Variants in DTNA observed in about 807,000 individuals in gnomAD.
The protein encoded by DTNA is dystrobrevin alpha, also known as dystrophin-related protein 3.
A neutral mutation model predicts 100.7 loss-of-function variants in DTNA; 43 were observed. That is an observed-to-expected ratio of 0.43 (90% CI 0.33 to 0.55). The LOEUF is 0.55. Ranked by LOEUF, DTNA falls within the 20% of genes least tolerant of loss-of-function variation. The pLI, the probability that DTNA is intolerant of heterozygous loss-of-function variation, is 0.04. For synonymous variants in DTNA, 349 were observed against 347.9 expected (o/e 1.00, Z -0.04); for missense variants, 798 against 953.9 (o/e 0.84, Z 2.15).
At chr18:34,613,434 G>A (rs972884288) in intron 1 of DTNA, among the ~76,000 whole-genome samples, 2 of 152,196 alleles carry the variant, frequency 1.3e-5, no homozygotes, top group Non-Finnish European at 2.9e-5. Context: ...AACACATGTT[G>A]AAAGCCAAGA....
chr18:34,671,350 G>A (rs2076732313), intron 1 of DTNA, among the ~76,000 whole-genome samples: 1 of 152,184 alleles, frequency 6.6e-6, no homozygotes, highest in Non-Finnish European at 1.5e-5. Context: ...TGGCTGGGAA[G>A]GGGAATTCAC....
chr18:34,626,425 A>C (rs902690021), intron 1 of DTNA, among the ~76,000 whole-genome samples: 7 of 152,070 alleles, frequency 4.6e-5, no homozygotes, highest in Admixed American at 4.6e-4. Context: ...ATATTTTAAG[A>C]ACCTTCAGAA....
At chr18:34,707,631 C>T (rs1175730744), upstream of DTNA, among the ~76,000 whole-genome samples, 1 of 152,092 alleles carries the variant, frequency 6.6e-6, no homozygotes, top group Non-Finnish European at 1.5e-5. Context: ...GTAATGGCCA[C>T]ATAACCAATC....
chr18:34,812,143 C>A, intron 6 of DTNA, 30 bp downstream of exon 6: 1 of 1,613,552 alleles, frequency 6.2e-7, no homozygotes, highest in Non-Finnish European at 8.5e-7. Flanking sequence ...AAGGAAGTAT[C>A]TCTTTCAAAC....
chr18:34,848,379 C>T lies in DTNA; in HGVS notation c.1430C>T (p.Ser477Leu), dbSNP rs780636680. 1.6e-5 allele frequency: 26 copies of T among 1,613,746 alleles called. No individual in the cohort carries two copies. The highest frequency in any genetic ancestry group is 2.0e-5 in the Non-Finnish European group (24 of 1,179,896). The part of the protein sequence containing the change: ...YAARLAAESS[S>L]SQPPQQRSAP... ...GCAAGGCTGGCAGCAGAGTCCTCTT[C>T]GTCTGTAAGTAGTTGGAGTAAAAGG... Residue 477 changes from serine (S) to leucine (L), a missense_variant, in exon 14 of 23, where the codon TCG becomes TTG. By Grantham distance (145) the Ser-to-Leu change is moderately radical. Coordinates refer to ENST00000444659, the MANE Select transcript of DTNA (RefSeq NM_001386795.1).
At chr18:34,701,230 A>G (rs1329049308) in intron 1 of DTNA, among the ~76,000 whole-genome samples, 2 of 152,096 alleles carry the variant, frequency 1.3e-5, no homozygotes, top group Non-Finnish European at 2.9e-5. Context: ...CACTTCCTTG[A>G]CCTCTATCCT....
intron 1 of DTNA, among the ~76,000 whole-genome samples, chr18:34,728,576 A>G (rs141590232): frequency 6.6e-6 from 1 of 152,202 alleles, no homozygotes; most frequent in African/African-American, 2.4e-5. Context: ...TCAAAAAAAA[A>G]TAAAAAGGAG....
At position 34,605,851 on chromosome 18, in the gene DTNA, G is replaced by A. The variant is rs555688934; in HGVS notation, c.-2+112337G>A. Among the ~76,000 whole-genome samples the A allele has an allele frequency of 3.3e-5, 5 of 152,116 alleles. No individual in the cohort carries two copies. In the South Asian group the frequency reaches 1.0e-3, roughly 32 times the overall value. ...ACAAATAATTAAATTACTTATATCTGGACAGGATTTAGCATTGCCTTCACA... is the reference window on the plus strand; with the variant it reads ...ACAAATAATTAAATTACTTATATCTAGACAGGATTTAGCATTGCCTTCACA... On this transcript the variant is annotated intron_variant, in intron 1 of 19. Coordinates refer to the DTNA transcript ENST00000283365.
At chr18:34,645,129 AGTT>A (rs1178079532) in intron 1 of DTNA, among the ~76,000 whole-genome samples, 3 of 152,202 alleles carry the variant, frequency 2.0e-5, no homozygotes, top group East Asian at 3.9e-4. Context: ...AACATAATGT[AGTT>A]GTTGTCATCT....
intron 4 of DTNA, among the ~76,000 whole-genome samples, chr18:34,798,751 T>A (rs1268830551): frequency 3.3e-5 from 5 of 152,200 alleles, no homozygotes; most frequent in African/African-American, 1.2e-4. Context: ...ATAATCATAA[T>A]AATTGTATTA....
At chr18:34,502,890 G>A (rs1308678446) in intron 1 of DTNA, among the ~76,000 whole-genome samples, 1 of 152,170 alleles carries the variant, frequency 6.6e-6, no homozygotes, top group Non-Finnish European at 1.5e-5. Flanking sequence ...TGATGTTGCT[G>A]TCAAGTTCTT....
At chr18:34,828,560 T>G (rs972536527) in intron 10 of DTNA, among the ~76,000 whole-genome samples, 1 of 152,192 alleles carries the variant, frequency 6.6e-6, no homozygotes, top group Non-Finnish European at 1.5e-5. Flanking sequence ...CCTGGTACAT[T>G]CAACTGAGGA....
At chr18:34,558,916 T>C (rs1159026535) in intron 1 of DTNA, among the ~76,000 whole-genome samples, 2 of 152,282 alleles carry the variant, frequency 1.3e-5, no homozygotes, top group South Asian at 2.1e-4. Flanking sequence ...AATGAGACTA[T>C]TGATGGAGAT....
chr18:34,801,259 TTGTTACA>T lies in DTNA; in HGVS notation c.363-4954_363-4948del, dbSNP rs1343991544. On this transcript the variant is annotated intron_variant, in intron 4 of 22. Transcript: ENST00000444659. ...TATTAGCCTGGTTCTCTTAAATACCTTGTTACATGTTAATTATATACCAATACACAAT... is the reference window on the plus strand; with the variant it reads ...TATTAGCCTGGTTCTCTTAAATACCTTGTTAATTATATACCAATACACAAT... 1.3e-4 allele frequency among the ~76,000 whole-genome samples: 20 copies of T among 152,322 alleles called. 1 individual carries two copies. The highest frequency in any genetic ancestry group is 9.8e-4 in the Admixed American group (15 of 15,296).
At chr18:34,845,594 G>A (rs2096362593) in intron 13 of DTNA, among the ~76,000 whole-genome samples, 1 of 152,146 alleles carries the variant, frequency 6.6e-6, no homozygotes, top group African/African-American at 2.4e-5. Flanking sequence ...TAGATGTATA[G>A]CCCCTAATAC....
At chr18:34,516,571 G>A (rs1348368746) in intron 1 of DTNA, among the ~76,000 whole-genome samples, 2 of 152,068 alleles carry the variant, frequency 1.3e-5, no homozygotes, top group Non-Finnish European at 2.9e-5. Context: ...ATATAAGACA[G>A]ACACTCCCAG....
At chr18:34,541,619 C>T (rs2044254303) in intron 1 of DTNA, among the ~76,000 whole-genome samples, 1 of 152,082 alleles carries the variant, frequency 6.6e-6, no homozygotes, top group Admixed American at 6.6e-5. Context: ...AACCACTTTC[C>T]TTTATAAATT....
chr18:34,626,570 C>G lies in DTNA; in HGVS notation c.-1-129406C>G, dbSNP rs187969119. On this transcript the variant is annotated intron_variant, in intron 1 of 19. Coordinates refer to the DTNA transcript ENST00000283365. Reference sequence around the variant, plus strand: ...TACACCTTTAATACCTGAGAAGAGGCAGACGCAACAGGTTGCCAGCAACCA... The same window carrying G: ...TACACCTTTAATACCTGAGAAGAGGGAGACGCAACAGGTTGCCAGCAACCA... 2.8e-3 allele frequency among the ~76,000 whole-genome samples: 425 copies of G among 152,276 alleles called. 1 individual carries two copies. Among genetic ancestry groups the G allele is most frequent in the Non-Finnish European group, 4.4e-3 (302 of 68,024 alleles).
intron 1 of DTNA, among the ~76,000 whole-genome samples, chr18:34,717,827 G>A (rs1410379866): frequency 6.6e-6 from 1 of 152,158 alleles, no homozygotes; most frequent in Non-Finnish European, 1.5e-5. Context: ...AACAGTATGG[G>A]AAAACCAGGG....
Sources: gnomAD v4.1 joint callset for allele counts (sites outside exome capture counted in the v4.1 genomes callset) on GRCh38, gnomAD v4.1.1 for gene constraint, MANE v1.5 for transcripts, NCBI Gene and HGNC (gene_info 2026-07-23, HGNC 2026-07-21) for gene names.